SETD1A: variants seen among roughly 807,000 people sequenced by gnomAD.
SETD1A encodes the protein SET domain containing 1A, histone lysine methyltransferase, also known as histone-lysine N-methyltransferase SETD1A.
Under a neutral mutation model 149.9 loss-of-function variants are expected in SETD1A, and 29 were observed. The observed-to-expected ratio is 0.19, with a 90% CI of 0.14 to 0.26. The LOEUF is 0.26. Ranked by LOEUF, SETD1A falls within the 10% of genes least tolerant of loss-of-function variation. The pLI is 1.00. For missense variants in SETD1A, 2,109 were observed against 2,353.1 expected (o/e 0.90, Z 2.15); for synonymous variants, 1,141 against 968.5 (o/e 1.18, Z -3.31).
chr16:30,966,244 C>T lies in SETD1A; in HGVS notation c.2363C>T (p.Ala788Val), dbSNP rs780702297. ...GCAGAGGGCAAGACCCTCCCGACAG[C>T]AGGCACCGTGGGCCGTGTGCTCGCC... ...ELAEGKTLPT[A>V]GTVGRVLAML... Residue 788 changes from alanine to valine, a missense_variant, in exon 8 of 19, where the codon GCA (alanine) becomes GTA (valine). Coordinates refer to ENST00000262519, the MANE Select transcript of SETD1A (RefSeq NM_014712.3). 2 of 1,613,832 alleles carry T rather than the reference C, an allele frequency of 1.2e-6. No homozygotes were observed. Among genetic ancestry groups the T allele is most frequent in the South Asian group, 2.2e-5 (2 of 91,084 alleles).
At chr16:30,972,625 C>T (rs1428394290) in intron 13 of SETD1A, among the ~76,000 whole-genome samples, 83 of 141,834 alleles carry the variant, frequency 5.9e-4, no homozygotes, top group Non-Finnish European at 9.5e-4. Flanking sequence ...GGCGACAGAG[C>T]GAGACTCTGT....
intron 13 of SETD1A, among the ~76,000 whole-genome samples, chr16:30,972,602 AC>A (rs2056238506): frequency 1.3e-5 from 2 of 149,972 alleles, no homozygotes; most frequent in South Asian, 4.2e-4. Context: ...TCGCACCACT[AC>A]ACTCCAGCCT....
chr16:30,959,616 A>G (rs1445908533), intron 3 of SETD1A, among the ~76,000 whole-genome samples: 1 of 152,166 alleles, frequency 6.6e-6, no homozygotes, highest in East Asian at 1.9e-4. Flanking sequence ...GAGGACTCCT[A>G]TTCTCCACCC....
At chr16:30,979,088 G>C (rs1368747928) in intron 13 of SETD1A, 57 bp from the exon 14 acceptor site, 51 of 1,477,114 alleles carry the variant, frequency 3.5e-5, no homozygotes, top group Non-Finnish European at 4.6e-5. Context: ...GGGCGGCCAG[G>C]GTGGCTGAGC....
intron 13 of SETD1A, 102 bp downstream of exon 13, chr16:30,971,821 G>GA: frequency 7.3e-7 from 1 of 1,376,634 alleles, no homozygotes; most frequent in Non-Finnish European, 9.5e-7. Context: ...GACTTTATTA[G>GA]AAAAACATAC....
Position 30,961,607 on chromosome 16 carries a change from G to A in SETD1A, c.517+70G>A. On this transcript the variant is annotated intron_variant, in intron 4 of 18. Coordinates refer to ENST00000262519, the MANE Select transcript of SETD1A (RefSeq NM_014712.3). This position sits in a 1 kb window ranked among gnomAD's most constrained non-coding sequence, Gnocchi z 4.0. ...GGTTGTACATGCAAATGCCTGTCAG[G>A]GTCAGGCAGGCGCCCAGGGTCATGA... 1 of 1,452,806 alleles carries A rather than the reference G, an allele frequency of 6.9e-7. No individual in the cohort carries two copies. The highest frequency in any genetic ancestry group is 2.3e-5 in the East Asian group (1 of 44,024). 90.0% of individuals were successfully genotyped at this position (1,452,806 alleles called of 1,614,324 possible). A position where few individuals can be genotyped will look rare whatever the true frequency, so the allele number is the denominator to read the frequency against.
intron 1 of SETD1A, 191 bp from the exon 2 acceptor site, chr16:30,958,526 T>C: frequency 3.5e-6 from 2 of 573,554 alleles, no homozygotes; most frequent in Non-Finnish European, 6.2e-6. Context: ...AGTTGGGAGG[T>C]GGAAAGAGGC....
At position 30,979,726 on chromosome 16, in the gene SETD1A, G is replaced by T; in HGVS notation, c.3940G>T (p.Ala1314Ser). The change falls in exon 14 of 19, where the codon GCC becomes TCC. Residue 1314 changes from alanine to serine, a missense_variant. Transcript: ENST00000262519. ...LAVKPTPPAP[A>S]LRPPEPVPAP... is the part of the protein sequence containing the mutation. ...CGTCAAGCCCACGCCCCCTGCGCCA[G>T]CCCTGCGGCCCCCGGAGCCAGTGCC... 3 of 1,600,032 alleles carry T rather than the reference G, an allele frequency of 1.9e-6. No homozygotes were observed. Among genetic ancestry groups the T allele is most frequent in the Non-Finnish European group, 2.5e-6 (3 of 1,178,552 alleles).
At chr16:30,979,065 A>T in intron 13 of SETD1A, 80 bp from the exon 14 acceptor site, 1 of 1,395,296 alleles carries the variant, frequency 7.2e-7, no homozygotes, top group Non-Finnish European at 9.6e-7. Context: ...GAGAGCACAC[A>T]GCCTGTGGTC....
chr16:30,959,050 T>A (rs774032543), intron 2 of SETD1A, 41 bp from the exon 3 acceptor site: 23 of 1,526,042 alleles, frequency 1.5e-5, no homozygotes, highest in Non-Finnish European at 2.1e-5. Context: ...CTAGCCTGGA[T>A]TCACCCTGAG....
chr16:30,961,634 C>A lies in SETD1A; in HGVS notation c.517+97C>A. The stretch of plus-strand genomic sequence containing the variant: ...TCAGGCAGGCGCCCAGGGTCATGAT[C>A]TGAAACTGCTGGGGCCAGTTGTGTT... On this transcript the variant is annotated intron_variant, in intron 4 of 18. Transcript: ENST00000262519. The surrounding 1 kb of genome is among the most constrained non-coding windows in gnomAD (Gnocchi z 4.0). The A allele has an allele frequency of 2.8e-6, 3 of 1,089,336 alleles. No individual in the cohort carries two copies. The highest frequency in any genetic ancestry group is 1.4e-5 in the South Asian group (1 of 72,144). 67.5% of individuals were successfully genotyped at this position (1,089,336 alleles called of 1,614,324 possible). A position where few individuals can be genotyped will look rare whatever the true frequency, so the allele number is the denominator to read the frequency against.
rs746398916 is a variant in SETD1A at position 30,961,494 on chromosome 16, C to G, written c.474C>G (p.Thr158=). 1.2e-6 allele frequency: 2 copies of G among 1,614,004 alleles called. No homozygotes were observed. The highest frequency in any genetic ancestry group is 2.7e-5 in the African/African-American group (2 of 74,908). Residue 158 remains threonine, a synonymous_variant, in exon 4 of 19, where the codon ACC becomes ACG. Coordinates refer to ENST00000262519, the MANE Select transcript of SETD1A (RefSeq NM_014712.3). The surrounding 1 kb of genome is among the most constrained non-coding windows in gnomAD (Gnocchi z 4.0). The part of the protein sequence containing the change: ...AKETVKNLHL[T]SVMGNIIHAQ... The stretch of plus-strand genomic sequence containing the variant: ...AAACGGTCAAAAACCTCCACCTTAC[C>G]TCCGTCATGGGCAACATCATCCATG...
intron 10 of SETD1A, among the ~76,000 whole-genome samples, chr16:30,967,811 T>G (rs2143515163): frequency 6.6e-6 from 1 of 152,310 alleles, no homozygotes; most frequent in East Asian, 1.9e-4. Flanking sequence ...TTTTCTGTAT[T>G]TTGGGTTTTT....
Position 30,965,612 on chromosome 16 carries a change from C to T in SETD1A, c.1731C>T (p.Cys577=). 6.2e-7 allele frequency: 1 copy of T among 1,612,794 alleles called. No homozygotes were observed. Among genetic ancestry groups the T allele is most frequent in the Non-Finnish European group, 8.5e-7 (1 of 1,179,636 alleles). ...KANGQNQASP[C]SSGDDMEISD... ...TTCTGCCCCCGCAGGCTTCTCCATG[C>T]TCTTCTGGAGACGACATGGAGATCT... The change falls in exon 8 of 19, where the codon TGC becomes TGT. Residue 577 remains cysteine (C), a synonymous_variant. Transcript: ENST00000262519.
At chr16:30,981,286 C>T (rs953290892) in intron 17 of SETD1A, 106 bp downstream of exon 17, 34 of 1,443,396 alleles carry the variant, frequency 2.4e-5, no homozygotes, top group Non-Finnish European at 3.1e-5. Flanking sequence ...ACTCCCTAAC[C>T]CCGGTACCTA....
Position 30,980,905 on chromosome 16 carries a change from GAGGCCAGGGGACCACCCAGC to G in SETD1A, c.4692+61_4692+80del. ...GGGTGGGGTGGGGCAGGAAGGGGCA[GAGGCCAGGGGACCACCCAGC>G]AGGCTCCTGTGGTTCCCTCGGGTGG... On this transcript the variant is annotated intron_variant, in intron 16 of 18. Coordinates refer to ENST00000262519, the MANE Select transcript of SETD1A (RefSeq NM_014712.3). The surrounding 1 kb of genome is among the most constrained non-coding windows in gnomAD (Gnocchi z 7.7). 1 of 1,552,868 alleles carries G rather than the reference GAGGCCAGGGGACCACCCAGC, an allele frequency of 6.4e-7. No individual in the cohort carries two copies. Among genetic ancestry groups the G allele is most frequent in the South Asian group, 1.2e-5 (1 of 86,192 alleles).
chr16:30,976,360 C>T (rs535829310), intron 13 of SETD1A, among the ~76,000 whole-genome samples: 1 of 152,140 alleles, frequency 6.6e-6, no homozygotes, highest in Non-Finnish European at 1.5e-5. Context: ...TGCACTGTAT[C>T]CTGGAGACAG....
intron 13 of SETD1A, among the ~76,000 whole-genome samples, chr16:30,976,617 G>GCAGTGGGGCAGACTGAATGGA (rs1377368450): frequency 2.6e-5 from 4 of 152,146 alleles, no homozygotes; most frequent in Non-Finnish European, 4.4e-5. Flanking sequence ...AGTTGAAGGT[G>GCAGTGGGGCAGACTGAATGGA]CAGTGGGGCA....
chr16:30,962,214 G>A (rs1434732536), intron 4 of SETD1A, among the ~76,000 whole-genome samples: 3 of 151,872 alleles, frequency 2.0e-5, no homozygotes, highest in Admixed American at 6.6e-5. Context: ...ACATTTATGC[G>A]CCACTACGCC....
Sources: gnomAD v4.1 joint callset for allele counts (sites outside exome capture counted in the v4.1 genomes callset) on GRCh38, gnomAD v4.1.1 for gene constraint, Gnocchi (gnomAD v3.1) non-coding constraint, MANE v1.5 for transcripts, NCBI Gene and HGNC (gene_info 2026-07-23, HGNC 2026-07-21) for gene names.